The following LINGO1 variants were observed in gnomAD, a reference collection of about 807,000 sequenced individuals.
LINGO1 encodes leucine-rich repeat and immunoglobulin-like domain-containing nogo receptor-interacting protein 1.
LINGO1 carries 11 observed loss-of-function variants against 37.3 expected under a neutral mutation model. The ratio of observed to expected loss-of-function variants is 0.29; its 90% confidence interval spans 0.19 to 0.49. The LOEUF (loss-of-function observed/expected upper bound fraction) is 0.49, where lower values mean the gene tolerates loss of function less well. Ranked by LOEUF, LINGO1 falls within the 20% of genes least tolerant of loss-of-function variation. The pLI is 0.99. For missense variants in LINGO1, 585 were observed against 878.2 expected (o/e 0.67, Z 4.22); for synonymous variants, 387 against 403.0 (o/e 0.96, Z 0.48).
At chr15:77,620,386 A>G (rs868712381) in intron 1 of LINGO1, among the ~76,000 whole-genome samples, 11 of 152,248 alleles carry the variant, frequency 7.2e-5, no homozygotes, top group South Asian at 2.1e-4. Context: ...CTGAGCCATC[A>G]GACCAGCACT....
chr15:77,632,806 C>CCCACCG lies in LINGO1; in HGVS notation c.-497_-492dup, dbSNP rs991209289. On this transcript the variant is annotated 5_prime_UTR_variant, in exon 1 of 2. Coordinates refer to ENST00000355300, the MANE Select transcript of LINGO1 (RefSeq NM_032808.7). This position sits in a 1 kb window ranked among gnomAD's most constrained non-coding sequence, Gnocchi z 6.0. ...GCGCCCTCCGGGGCCGGGACCAGGACCCACCGCCGCCGCCGCCGCCTGCGC... is the reference window on the plus strand; with the variant it reads ...GCGCCCTCCGGGGCCGGGACCAGGACCCACCGCCACCGCCGCCGCCGCCGCCTGCGC... Among the ~76,000 whole-genome samples the CCCACCG allele has an allele frequency of 5.5e-5, 8 of 146,560 alleles. No individual in the cohort carries two copies. Among genetic ancestry groups the CCCACCG allele is most frequent in the Non-Finnish European group, 6.1e-5 (4 of 66,048 alleles).
chr15:77,720,625 T>C (rs1158197037), intron 2 of LINGO1: 1 of 152,238 alleles, frequency 6.6e-6, no homozygotes, highest in Non-Finnish European at 1.5e-5. Context: ...ACCCCATAGA[T>C]ACTTTTCAGA....
chr15:77,731,924 A>C (rs538039099), intron 2 of LINGO1, among the ~76,000 whole-genome samples: 2 of 152,154 alleles, frequency 1.3e-5, no homozygotes, highest in South Asian at 4.2e-4. Flanking sequence ...CCCCCACCAC[A>C]ACCACAGCAG....
chr15:77,745,517 C>G (rs2076305570), intron 1 of LINGO1, among the ~76,000 whole-genome samples: 1 of 152,184 alleles, frequency 6.6e-6, no homozygotes, highest in Non-Finnish European at 1.5e-5. Flanking sequence ...GCCACCCCAA[C>G]CTGGCGGCTC....
chr15:77,744,136 G>A (rs918628990), intron 1 of LINGO1, among the ~76,000 whole-genome samples: 1 of 152,146 alleles, frequency 6.6e-6, no homozygotes, highest in Non-Finnish European at 1.5e-5. Context: ...AGGCACCTCT[G>A]GCAGACACCA....
At chr15:77,778,281 G>A (rs1280096799) in intron 1 of LINGO1, among the ~76,000 whole-genome samples, 1 of 152,164 alleles carries the variant, frequency 6.6e-6, no homozygotes, top group Non-Finnish European at 1.5e-5. Context: ...ATTGCATTCA[G>A]GGCCCACCCA....
chr15:77,665,761 A>T (rs2075116411), intron 3 of LINGO1, among the ~76,000 whole-genome samples: 1 of 152,178 alleles, frequency 6.6e-6, no homozygotes, highest in African/African-American at 2.4e-5. Context: ...GCTGCCCTGC[A>T]TGTGTCCTGG....
At chr15:77,802,140 G>A (rs554768096) in intron 1 of LINGO1, among the ~76,000 whole-genome samples, 1 of 152,272 alleles carries the variant, frequency 6.6e-6, no homozygotes, top group East Asian at 1.9e-4. Context: ...AGCCCATGGG[G>A]TGCGTGGAGG....
intron 1 of LINGO1, among the ~76,000 whole-genome samples, chr15:77,753,045 C>T (rs540954293): frequency 3.0e-4 from 45 of 152,370 alleles, no homozygotes; most frequent in African/African-American, 1.1e-3. Flanking sequence ...AAATCAAGCA[C>T]ATACATAGTG....
chr15:77,693,680 A>G (rs183419776), intron 1 of LINGO1, among the ~76,000 whole-genome samples: 9 of 152,352 alleles, frequency 5.9e-5, no homozygotes, highest in Admixed American at 5.2e-4. Flanking sequence ...CAGTGTCACA[A>G]TCGCCCAAGG....
At chr15:77,793,536 G>A (rs2076834262) in intron 2 of LINGO1, among the ~76,000 whole-genome samples, 1 of 152,140 alleles carries the variant, frequency 6.6e-6, no homozygotes, top group Non-Finnish European at 1.5e-5. Flanking sequence ...CTCAGGCTGG[G>A]CCTACCCTGC....
rs375745016 is a variant in LINGO1 at position 77,613,571 on chromosome 15, AGAG to A, written c.*470_*472del. On this transcript the variant is annotated 3_prime_UTR_variant, in exon 2 of 2. Coordinates refer to ENST00000355300, the MANE Select transcript of LINGO1 (RefSeq NM_032808.7). ...GGGAAGAGAAGAGAAAGGAGGAAGAAGAGGAGGAGGAGGAAGAGAAAAACAAGA... is the reference window on the plus strand; with the variant it reads ...GGGAAGAGAAGAGAAAGGAGGAAGAAGAGGAGGAGGAAGAGAAAAACAAGA... 22 of 161,540 alleles carry A rather than the reference AGAG, an allele frequency of 1.4e-4. No individual in the cohort carries two copies. The South Asian group carries it at 2.5e-3, about 18-fold the overall frequency. The allele number at this position is 161,540 out of a possible 1,614,324, so 10.0% of individuals were successfully genotyped here.
At chr15:77,644,124 TG>T (rs1175288201) in intron 3 of LINGO1, among the ~76,000 whole-genome samples, 1 of 152,186 alleles carries the variant, frequency 6.6e-6, no homozygotes, top group African/African-American at 2.4e-5. Flanking sequence ...GTATCTACGC[TG>T]GGGAGTTTAG....
At chr15:77,649,838 G>A (rs962322847) in intron 3 of LINGO1, among the ~76,000 whole-genome samples, 4 of 152,124 alleles carry the variant, frequency 2.6e-5, no homozygotes, top group African/African-American at 9.7e-5. Context: ...CAAGGGGAGA[G>A]TGGAGATGAT....
intron 1 of LINGO1, among the ~76,000 whole-genome samples, chr15:77,798,194 G>T (rs778815337): frequency 2.0e-5 from 3 of 152,222 alleles, no homozygotes; most frequent in African/African-American, 4.8e-5. Flanking sequence ...AGGACACAGG[G>T]GTAGCAGAGC....
At chr15:77,752,589 A>G (rs2076382754) in intron 1 of LINGO1, among the ~76,000 whole-genome samples, 1 of 152,250 alleles carries the variant, frequency 6.6e-6, no homozygotes, top group Admixed American at 6.5e-5. Flanking sequence ...GCAATAAGGC[A>G]CAAAGGCCCC....
At chr15:77,769,230 G>A (rs967489337) in intron 1 of LINGO1, among the ~76,000 whole-genome samples, 3 of 152,230 alleles carry the variant, frequency 2.0e-5, no homozygotes, top group Admixed American at 6.5e-5. Flanking sequence ...GGCCTCCAGC[G>A]GAGCTGTGCC....
At chr15:77,720,415 G>C (rs1319452958) in intron 2 of LINGO1, among the ~76,000 whole-genome samples, 3 of 152,238 alleles carry the variant, frequency 2.0e-5, no homozygotes, top group East Asian at 3.8e-4. Context: ...CGCAGTGCCT[G>C]CCACCAGGCC....
At chr15:77,795,487 C>T (rs547329020) in intron 2 of LINGO1, among the ~76,000 whole-genome samples, 10 of 152,294 alleles carry the variant, frequency 6.6e-5, no homozygotes, top group African/African-American at 2.2e-4. Flanking sequence ...TAGACCCTCA[C>T]GCTGTCTCTG....
Sources: gnomAD v4.1 joint callset for allele counts (sites outside exome capture counted in the v4.1 genomes callset) on GRCh38, gnomAD v4.1.1 for gene constraint, Gnocchi (gnomAD v3.1) non-coding constraint, MANE v1.5 for transcripts, NCBI Gene and HGNC (gene_info 2026-07-23, HGNC 2026-07-21) for gene names.